UNC5C: variants seen among roughly 807,000 people sequenced by gnomAD.
UNC5C encodes netrin receptor UNC5C.
A neutral mutation model predicts 99.8 loss-of-function variants in UNC5C; 47 were observed. That is an observed-to-expected ratio of 0.47 (90% CI 0.37 to 0.60). The LOEUF is 0.60. Ranked by LOEUF, UNC5C falls within the 20% of genes least tolerant of loss-of-function variation. The pLI is 0.00. For synonymous variants in UNC5C, 487 were observed against 452.2 expected (o/e 1.08, Z -0.98); for missense variants, 1,062 against 1,165.9 (o/e 0.91, Z 1.30).
At chr4:95,174,111 G>A (rs191233807) in intron 14 of UNC5C, among the ~76,000 whole-genome samples, 6,916 of 151,776 alleles carry the variant, frequency 0.046, 277 homozygotes, top group African/African-American at 0.1. Context: ...TTTTTATTGC[G>A]TCTATTTGAT....
intron 2 of UNC5C, among the ~76,000 whole-genome samples, chr4:95,311,798 C>T (rs191615510): frequency 6.6e-6 from 1 of 152,128 alleles, no homozygotes; most frequent in Non-Finnish European, 1.5e-5. Context: ...AATTCCAGAG[C>T]TTTGGGAGGC....
intron 1 of UNC5C, among the ~76,000 whole-genome samples, chr4:95,511,850 T>G (rs1722084677): frequency 6.6e-6 from 1 of 151,896 alleles, no homozygotes; most frequent in Admixed American, 6.6e-5. Flanking sequence ...AATGAAGAGG[T>G]GGAAGTTTTC....
At chr4:95,493,106 T>C (rs1721543445) in intron 1 of UNC5C, among the ~76,000 whole-genome samples, 1 of 151,464 alleles carries the variant, frequency 6.6e-6, no homozygotes, top group South Asian at 2.1e-4. Context: ...TAACCAACAT[T>C]ATTATAAATA....
At chr4:95,392,202 G>A (rs1745382344) in intron 1 of UNC5C, among the ~76,000 whole-genome samples, 1 of 152,010 alleles carries the variant, frequency 6.6e-6, no homozygotes, top group African/African-American at 2.4e-5. Context: ...TTTTAAGCAA[G>A]GATAACTCCC....
chr4:95,315,783 G>T (rs1417098479), intron 2 of UNC5C, among the ~76,000 whole-genome samples: 1 of 152,136 alleles, frequency 6.6e-6, no homozygotes, highest in Non-Finnish European at 1.5e-5. Context: ...AAAATTAACG[G>T]ATAGGAATAT....
At chr4:95,459,280 C>T (rs1326011481) in intron 1 of UNC5C, among the ~76,000 whole-genome samples, 6 of 152,078 alleles carry the variant, frequency 3.9e-5, no homozygotes, top group African/African-American at 9.7e-5. Flanking sequence ...TTTCATATGG[C>T]ATTGTGATTG....
At chr4:95,547,716 G>T (rs535900059) in intron 1 of UNC5C, among the ~76,000 whole-genome samples, 1 of 152,332 alleles carries the variant, frequency 6.6e-6, no homozygotes, top group African/African-American at 2.4e-5. Context: ...AAGAGACCCC[G>T]GAGGGGACAG....
intron 4 of UNC5C, among the ~76,000 whole-genome samples, chr4:95,272,508 G>A (rs532354147): frequency 3.3e-5 from 5 of 152,242 alleles, no homozygotes; most frequent in Admixed American, 6.5e-5. Context: ...GTAACTATTA[G>A]AGGCAGATAT....
chr4:95,475,569 G>A (rs984544521), intron 1 of UNC5C, among the ~76,000 whole-genome samples: 1 of 151,990 alleles, frequency 6.6e-6, no homozygotes, highest in Admixed American at 6.6e-5. Flanking sequence ...ATAGATATTT[G>A]AAATAGATAT....
At chr4:95,243,815 T>G (rs1579261696) in intron 6 of UNC5C, among the ~76,000 whole-genome samples, 1 of 152,258 alleles carries the variant, frequency 6.6e-6, no homozygotes, top group East Asian at 1.9e-4. Flanking sequence ...CCTGCACCAA[T>G]CCAGTGTACC....
At chr4:95,308,986 G>C (rs1742168464) in intron 2 of UNC5C, among the ~76,000 whole-genome samples, 1 of 152,022 alleles carries the variant, frequency 6.6e-6, no homozygotes, top group Admixed American at 6.6e-5. Flanking sequence ...GCAATCTTGA[G>C]CAAAAAGAAC....
intron 2 of UNC5C, among the ~76,000 whole-genome samples, chr4:95,316,210 G>A (rs961076754): frequency 6.6e-6 from 1 of 152,160 alleles, no homozygotes; most frequent in Non-Finnish European, 1.5e-5. Context: ...GAGAAAACAT[G>A]TAAAAGGAGC....
intron 10 of UNC5C, among the ~76,000 whole-genome samples, chr4:95,215,153 G>T (rs909689792): frequency 1.3e-5 from 2 of 152,164 alleles, no homozygotes; most frequent in African/African-American, 4.8e-5. Context: ...GGCTAAAAAT[G>T]GACGTTTTTC....
At chr4:95,178,024 T>C (rs909941831) in intron 14 of UNC5C, among the ~76,000 whole-genome samples, 2 of 152,158 alleles carry the variant, frequency 1.3e-5, no homozygotes, top group African/African-American at 4.8e-5. Flanking sequence ...GGGATCTTTA[T>C]ATGACCTTCC....
At chr4:95,349,318 A>T (rs1743895927) in intron 1 of UNC5C, among the ~76,000 whole-genome samples, 1 of 72,808 alleles carries the variant, frequency 1.4e-5, no homozygotes, top group African/African-American at 3.4e-5. Context: ...AATGAGAGAG[A>T]AAGGGTGTGT....
chr4:95,439,785 G>A (rs1015764153), intron 1 of UNC5C, among the ~76,000 whole-genome samples: 1 of 152,084 alleles, frequency 6.6e-6, no homozygotes, highest in Admixed American at 6.6e-5. Context: ...CTAATTGGGT[G>A]GGAAACGTAA....
chr4:95,230,180 G>A (rs1476566047), intron 7 of UNC5C, among the ~76,000 whole-genome samples: 3 of 152,062 alleles, frequency 2.0e-5, no homozygotes, highest in African/African-American at 4.8e-5. Flanking sequence ...GTTTCGATTT[G>A]CATTTCTCTA....
At chr4:95,490,524 A>G (rs902910503) in intron 1 of UNC5C, among the ~76,000 whole-genome samples, 1 of 151,760 alleles carries the variant, frequency 6.6e-6, no homozygotes, top group Non-Finnish European at 1.5e-5. Context: ...TAAGTAACAC[A>G]CATAATAGAT....
intron 1 of UNC5C, among the ~76,000 whole-genome samples, chr4:95,487,663 A>G (rs1426935402): frequency 6.6e-6 from 1 of 151,758 alleles, no homozygotes; most frequent in Non-Finnish European, 1.5e-5. Context: ...AAGTTATTAG[A>G]GAACTCTCTC....
Sources: gnomAD v4.1 joint callset for allele counts (sites outside exome capture counted in the v4.1 genomes callset) on GRCh38, gnomAD v4.1.1 for gene constraint, MANE v1.5 for transcripts, NCBI Gene and HGNC (gene_info 2026-07-23, HGNC 2026-07-21) for gene names.